ACOT1: variants seen among roughly 807,000 people sequenced by gnomAD.
ACOT1 encodes the protein acyl-CoA thioesterase 1.
ACOT1 carries 8 observed loss-of-function variants against 15.7 expected under a neutral mutation model. That is an observed-to-expected ratio of 0.51 (90% CI 0.30 to 0.92). The LOEUF (loss-of-function observed/expected upper bound fraction) is 0.92. Ranked by LOEUF, ACOT1 falls within the 40% of genes least tolerant of loss-of-function variation. The pLI is 0.06. For missense variants in ACOT1, 151 were observed against 539.4 expected, an observed-to-expected ratio of 0.28 and a Z score of 7.13; for synonymous variants, 67 against 241.2, an observed-to-expected ratio of 0.28 and a Z score of 6.69.
chr14:73,513,468 G>A, the ACOT1 span, among the ~76,000 whole-genome samples: 82,971 of 125,310 alleles, frequency 0.66, 24,067 homozygotes, highest in East Asian at 0.86. Flanking sequence ...CTCAGAAAAA[G>A]AAAAAAGGGC....
the ACOT1 span, chr14:73,509,355 A>G: frequency 1.9e-6 from 3 of 1,614,138 alleles, no homozygotes; most frequent in East Asian, 6.7e-5. Flanking sequence ...CAAGGGGATT[A>G]TGTGACTGTA....
At chr14:73,529,553 A>G in the ACOT1 span, among the ~76,000 whole-genome samples, 2 of 151,970 alleles carry the variant, frequency 1.3e-5, no homozygotes, top group Non-Finnish European at 2.9e-5. Flanking sequence ...AAAATGTAGG[A>G]GTTGGACTAA....
the ACOT1 span, among the ~76,000 whole-genome samples, chr14:73,516,716 T>A: frequency 6.6e-6 from 1 of 152,020 alleles, no homozygotes; most frequent in Non-Finnish European, 1.5e-5. Context: ...GAGTGGTGGG[T>A]GGGCAAGCAT....
At chr14:73,500,610 G>A in the ACOT1 span, 3 of 1,614,164 alleles carry the variant, frequency 1.9e-6, no homozygotes, top group Non-Finnish European at 2.5e-6. Flanking sequence ...GAACTGCTGT[G>A]AAGTCATCAG....
At chr14:73,523,014 G>C in the ACOT1 span, 2 of 1,614,184 alleles carry the variant, frequency 1.2e-6, no homozygotes, top group Non-Finnish European at 1.7e-6. Context: ...AAGACCATAG[G>C]CACACTGGAG....
the ACOT1 span, chr14:73,492,006 C>T: frequency 6.2e-7 from 1 of 1,613,992 alleles, no homozygotes; most frequent in Non-Finnish European, 8.5e-7. The surrounding 1 kb of genome is among the most constrained non-coding windows in gnomAD (Gnocchi z 4.9). Context: ...GTTTACCTCA[C>T]GCCCCCTAAC....
chr14:73,492,562 T>A, the ACOT1 span: 1 of 1,613,876 alleles, frequency 6.2e-7, no homozygotes, highest in Non-Finnish European at 8.5e-7. The surrounding 1 kb of genome is among the most constrained non-coding windows in gnomAD (Gnocchi z 4.9). Context: ...CTGTTTTGAC[T>A]GATAGGGAGA....
the ACOT1 span, chr14:73,514,030 C>T: frequency 3.7e-6 from 6 of 1,614,132 alleles, no homozygotes; most frequent in Non-Finnish European, 5.1e-6. Flanking sequence ...CCTTCACTCA[C>T]TCAGAGCCCA....
At chr14:73,491,285 G>T in the ACOT1 span, 2 of 1,555,462 alleles carry the variant, frequency 1.3e-6, no homozygotes, top group Non-Finnish European at 8.7e-7. Context: ...GGCCGTCCCG[G>T]ACGCAGCCCG....
At chr14:73,514,141 A>G in the ACOT1 span, 72 of 1,613,998 alleles carry the variant, frequency 4.5e-5, no homozygotes, top group Non-Finnish European at 5.5e-5. Context: ...CCTGGTCTTA[A>G]TAGGCACATC....
In ACOT1 at chr14:73,542,028, GTAT is replaced by G. The variant is rs1297686120; in HGVS notation, c.660+335_660+337del. ...CTGCCAACATGCCTGGATAATTTTT[GTAT>G]TTTCAGTAGAGACGGGGTTTCACAA... is the stretch of plus-strand genomic sequence containing the variant. On this transcript the variant is annotated intron_variant, in intron 2 of 2. Coordinates refer to ENST00000311148, the MANE Select transcript of ACOT1 (RefSeq NM_001037161.2). Among the ~76,000 whole-genome samples, 8 of 112,368 alleles carry G rather than the reference GTAT, an allele frequency of 7.1e-5. 3 individuals are homozygous for G. Among genetic ancestry groups the G allele is most frequent in the Non-Finnish European group, 1.5e-4 (8 of 52,346 alleles). 73.7% of individuals were successfully genotyped at this position (112,368 alleles called of 152,430 possible). A position where few individuals can be genotyped will look rare whatever the true frequency, so the allele number is the denominator to read the frequency against.
chr14:73,520,346 A>T, the ACOT1 span: 1 of 153,376 alleles, frequency 6.5e-6, no homozygotes. Flanking sequence ...CTCAAAGTGC[A>T]TTTTTGTTAA....
upstream of ACOT1, among the ~76,000 whole-genome samples, chr14:73,533,762 A>G (rs1374417452): frequency 9.0e-6 from 1 of 111,348 alleles, no homozygotes; most frequent in Non-Finnish European, 1.9e-5. Context: ...AAATGGTTAA[A>G]ATGGGCTTGT....
At chr14:73,498,717 G>A in the ACOT1 span, among the ~76,000 whole-genome samples, 4 of 152,224 alleles carry the variant, frequency 2.6e-5, no homozygotes, top group African/African-American at 9.6e-5. Context: ...TTTTAGGTCT[G>A]TAGCAGTCTT....
chr14:73,497,505 C>T, the ACOT1 span, among the ~76,000 whole-genome samples: 1 of 152,196 alleles, frequency 6.6e-6, no homozygotes, highest in African/African-American at 2.4e-5. Flanking sequence ...ATACCTTACA[C>T]GGGCTCACAT....
the ACOT1 span, among the ~76,000 whole-genome samples, chr14:73,509,152 C>T: frequency 6.6e-6 from 1 of 152,078 alleles, no homozygotes; most frequent in Non-Finnish European, 1.5e-5. Flanking sequence ...CAGGTGTGAG[C>T]GACAGTGTCT....
the ACOT1 span, among the ~76,000 whole-genome samples, chr14:73,515,337 C>G: frequency 3.3e-5 from 5 of 152,152 alleles, no homozygotes; most frequent in Non-Finnish European, 7.3e-5. Context: ...TGAATCAATT[C>G]TTTCCTTTGA....
chr14:73,522,982 T>C, the ACOT1 span: 2 of 1,614,194 alleles, frequency 1.2e-6, no homozygotes, highest in Non-Finnish European at 1.7e-6. Context: ...TCTTGCGGTG[T>C]AGACGGTACT....
chr14:73,540,310 C>T (rs1889033746), intron 1 of ACOT1, among the ~76,000 whole-genome samples: 1 of 151,016 alleles, frequency 6.6e-6, no homozygotes, highest in Admixed American at 6.6e-5. Flanking sequence ...GCAAAGTCAA[C>T]TGGAAACAGT....
Sources: gnomAD v4.1 joint callset for allele counts (sites outside exome capture counted in the v4.1 genomes callset) on GRCh38, gnomAD v4.1.1 for gene constraint, Gnocchi (gnomAD v3.1) non-coding constraint, MANE v1.5 for transcripts, NCBI Gene and HGNC (gene_info 2026-07-23, HGNC 2026-07-21) for gene names.